Variants in CDH16 observed in about 807,000 individuals in gnomAD.
The protein encoded by CDH16 is cadherin 16, also known as cadherin-16.
A neutral mutation model predicts 87.6 loss-of-function variants in CDH16; 79 were observed. The observed-to-expected ratio is 0.90, with a 90% CI of 0.75 to 1.09. The LOEUF (loss-of-function observed/expected upper bound fraction) is 1.09, where lower values mean the gene tolerates loss of function less well. CDH16 is among the 50% of genes least tolerant of loss of function. The pLI, the probability that CDH16 is intolerant of heterozygous loss-of-function variation, is 0.00. For synonymous variants in CDH16, 457 were observed against 439.5 expected (o/e 1.04, Z -0.50); for missense variants, 1,124 against 1,071.7 (o/e 1.05, Z -0.68).
chr16:66,916,487 C>A lies in CDH16; in HGVS notation c.130-58G>T. ...TGGCCAGGCCTGGGAGATGCCCCTCCTCCACCTGATGGCCTCATTTTACAT... is the reference window on the plus strand; with the variant it reads ...TGGCCAGGCCTGGGAGATGCCCCTCATCCACCTGATGGCCTCATTTTACAT... On this transcript the variant is annotated intron_variant, in intron 3 of 17. Transcript: ENST00000299752. This position sits in a 1 kb window ranked among gnomAD's most constrained non-coding sequence, Gnocchi z 4.1. 1 of 1,509,672 alleles carries A rather than the reference C, an allele frequency of 6.6e-7. No homozygotes were observed. Among genetic ancestry groups the A allele is most frequent in the Admixed American group, 2.2e-5 (1 of 46,268 alleles). 93.5% of individuals were successfully genotyped at this position (1,509,672 alleles called of 1,614,324 possible).
In CDH16 at chr16:66,909,168, G is replaced by C. The variant is rs1962292035; in HGVS notation, c.2392+99C>G. ...GGAGAGTTGGGGGCTTCCTTTTTCA[G>C]AGCTAGGGGCACCATGGGGACAAAG... On this transcript the variant is annotated intron_variant, in intron 17 of 17. Transcript: ENST00000299752. This position sits in a 1 kb window ranked among gnomAD's most constrained non-coding sequence, Gnocchi z 4.1. 1 of 787,956 alleles carries C rather than the reference G, an allele frequency of 1.3e-6. No individual in the cohort carries two copies. Among genetic ancestry groups the C allele is most frequent in the Non-Finnish European group, 2.2e-6 (1 of 445,298 alleles). The allele number at this position is 787,956 out of a possible 1,614,324, so 48.8% of individuals were successfully genotyped here.
Position 66,912,038 on chromosome 16 carries a change from C to G in CDH16, c.1651G>C (p.Val551Leu). 1 of 1,614,138 alleles carries G rather than the reference C, an allele frequency of 6.2e-7. No homozygotes were observed. The highest frequency in any genetic ancestry group is 1.7e-5 in the Admixed American group (1 of 60,030). ...ATCACTCTCTCCACTAGCACAGTCA[C>G]CGTGGCGGTGGCTCCAGGGCCTGGG... ...PGPGPGATATVTVLVERVMPP... is the reference protein window; with the variant it reads ...PGPGPGATATLTVLVERVMPP... The change falls in exon 13 of 18, where the codon GTG becomes CTG. Residue 551 changes from valine to leucine, a missense_variant. Physicochemically the swap from Val to Leu is conservative, Grantham distance 32. Coordinates refer to ENST00000299752, the MANE Select transcript of CDH16 (RefSeq NM_004062.4).
Position 66,910,747 on chromosome 16 carries a change from G to T in CDH16, c.1925-245C>A, listed in dbSNP as rs868313179. The T allele has an allele frequency of 7.1e-6, 3 of 423,054 alleles. No homozygotes were observed. The South Asian group carries it at 2.1e-4, about 30-fold the overall frequency. The allele number at this position is 423,054 out of a possible 1,614,324, so 26.2% of individuals were successfully genotyped here. ...AGCTCAGAGTTGAAACCTGCCTCCC[G>T]GGGCTCCCCACCCCAGGGCCAGCTC... is the stretch of plus-strand genomic sequence containing the variant. On this transcript the variant is annotated intron_variant, in intron 14 of 17. Transcript: ENST00000299752.
rs753055575 is a variant in CDH16, at chr16:66,909,322, G to A, written c.2337C>T (p.Gly779=). ...CCACTGCCGACAGCTTCGTGGGCAT[G>A]CCCTTCATGCGGCCCACCTTGCGCA... ...QCMRKVGRMK[G]MPTKLSAVGI... The change falls in exon 17 of 18, where the codon GGC becomes GGT. Residue 779 remains glycine, a synonymous_variant. Coordinates refer to ENST00000299752, the MANE Select transcript of CDH16 (RefSeq NM_004062.4). The surrounding 1 kb of genome is among the most constrained non-coding windows in gnomAD (Gnocchi z 4.1). 3 of 1,597,968 alleles carry A rather than the reference G, an allele frequency of 1.9e-6. No homozygotes were observed. Among genetic ancestry groups the A allele is most frequent in the Non-Finnish European group, 2.6e-6 (3 of 1,170,462 alleles).
In CDH16 at chr16:66,917,674, A is replaced by G; in HGVS notation, c.97T>C (p.Tyr33His). ...AGGTATAAAGGGAAATTTCCACCAT[A>G]GTTTTCTGGAACTTCCACAGACAGC... ...AELSVEVPEN[Y>H]GGNFPLYLTK... The change falls in exon 3 of 18, where the codon TAT becomes CAT. Residue 33 changes from tyrosine (Y) to histidine (H), a missense_variant. Tyr to His is a moderately conservative substitution (Grantham distance 83). Transcript: ENST00000299752. 1 of 1,613,544 alleles carries G rather than the reference A, an allele frequency of 6.2e-7. No individual in the cohort carries two copies. Among genetic ancestry groups the G allele is most frequent in the Non-Finnish European group, 8.5e-7 (1 of 1,179,800 alleles).
intron 6 of CDH16, 53 bp from the exon 7 acceptor site, chr16:66,914,465 G>A: frequency 7.3e-7 from 1 of 1,362,880 alleles, no homozygotes; most frequent in East Asian, 2.3e-5. Flanking sequence ...CAGGGGCCAG[G>A]GCATCATTCT....
Position 66,916,285 on chromosome 16 carries a change from A to ACT in CDH16, c.272_273dup (p.Tyr92SerfsTer26). On this transcript the variant is annotated frameshift_variant, in exon 4 of 18. Coordinates refer to ENST00000299752, the MANE Select transcript of CDH16 (RefSeq NM_004062.4). LOFTEE classifies it high-confidence loss of function. The surrounding 1 kb of genome is among the most constrained non-coding windows in gnomAD (Gnocchi z 4.1). Reference sequence around the variant, plus strand: ...TGGCCCAGCCATACCTGTAGCTGGTACTCTGCCTGCTCCTCTCGGTCCAGG... The same window carrying ACT: ...TGGCCCAGCCATACCTGTAGCTGGTACTCTCTGCCTGCTCCTCTCGGTCCAGG... 1 of 1,613,620 alleles carries ACT rather than the reference A, an allele frequency of 6.2e-7. No individual in the cohort carries two copies. The highest frequency in any genetic ancestry group is 8.5e-7 in the Non-Finnish European group (1 of 1,179,602).
chr16:66,913,476 C>T lies in CDH16; in HGVS notation c.903+15G>A, dbSNP rs1962527748. ...GCACCCCCAGCCTGCATCCCTGGCT[C>T]CCCCTTCATATCACCTCAGCCTGGG... On this transcript the variant is annotated intron_variant, in intron 8 of 17. Coordinates refer to ENST00000299752, the MANE Select transcript of CDH16 (RefSeq NM_004062.4). 6.2e-7 allele frequency: 1 copy of T among 1,613,932 alleles called. No individual in the cohort carries two copies. Among genetic ancestry groups the T allele is most frequent in the African/African-American group, 1.3e-5 (1 of 74,922 alleles).
Position 66,912,530 on chromosome 16 carries a change from G to A in CDH16, c.1333C>T (p.His445Tyr). ...TGGGAAGTGATGAACTCAGGGGCGTGATCATTGATATCTGTGACTGCGACT... is the reference window on the plus strand; with the variant it reads ...TGGGAAGTGATGAACTCAGGGGCGTAATCATTGATATCTGTGACTGCGACT... The part of the protein sequence containing the change: ...VEVAVTDIND[H>Y]APEFITSQIG... The change falls in exon 11 of 18, where the codon CAC becomes TAC. Residue 445 changes from histidine to tyrosine, a missense_variant. By Grantham distance (83) the His-to-Tyr change is moderately conservative. Coordinates refer to ENST00000299752, the MANE Select transcript of CDH16 (RefSeq NM_004062.4). The A allele has an allele frequency of 6.2e-7, 1 of 1,614,174 alleles. No homozygotes were observed. Among genetic ancestry groups the A allele is most frequent in the Non-Finnish European group, 8.5e-7 (1 of 1,180,026 alleles).
At position 66,913,621 on chromosome 16, in the gene CDH16, G is replaced by C. The variant is rs774110646; in HGVS notation, c.781-8C>G. The C allele has an allele frequency of 1.9e-6, 3 of 1,613,554 alleles. No individual in the cohort carries two copies. In the Admixed American group the frequency reaches 5.0e-5, roughly 27 times the overall value. The stretch of plus-strand genomic sequence containing the variant: ...ACCCCCACTCCAGTGTACCTGGGGG[G>C]GACACCCCGGGCCAAGGGGCAGGAA... On this transcript the variant is annotated splice_polypyrimidine_tract_variant and splice_region_variant and intron_variant, in intron 7 of 17. Coordinates refer to ENST00000299752, the MANE Select transcript of CDH16 (RefSeq NM_004062.4).
At chr16:66,913,393 C>T in intron 8 of CDH16, 98 bp downstream of exon 8, 2 of 1,575,138 alleles carry the variant, frequency 1.3e-6, no homozygotes, top group Non-Finnish European at 1.7e-6. Flanking sequence ...CTCTTTCCCA[C>T]TGCCTCAGCC....
In CDH16 at chr16:66,913,246, G is replaced by A. The variant is rs966297274; in HGVS notation, c.939C>T (p.Gly313=). 5.7e-6 allele frequency: 9 copies of A among 1,566,240 alleles called. No homozygotes were observed. The highest frequency in any genetic ancestry group is 2.7e-5 in the African/African-American group (2 of 73,486). The change falls in exon 9 of 18, where the codon GGC becomes GGT. Residue 313 remains glycine (G), a synonymous_variant. Transcript: ENST00000299752. The part of the protein sequence containing the change: ...LLQVRAQNSH[G]EDYAAPLELH... Reference sequence around the variant, plus strand: ...GCTCCAGAGGGGCCGCATAGTCCTCGCCATGGGAATTCTGAGCCCGCACCT... The same window carrying A: ...GCTCCAGAGGGGCCGCATAGTCCTCACCATGGGAATTCTGAGCCCGCACCT...
chr16:66,915,276 G>T lies in CDH16; in HGVS notation c.527C>A (p.Ser176Tyr), dbSNP rs1464582973. 3 of 1,613,850 alleles carry T rather than the reference G, an allele frequency of 1.9e-6. No homozygotes were observed. The African/African-American group carries it at 4.0e-5, about 22-fold the overall frequency. ...AGGCTCCAGCTGGAACATGTCTGGG[G>T]AAGGCTGGGCTGGAGCCTGGCTCAG... is the stretch of plus-strand genomic sequence containing the variant. ...HILSQAPAQP[S>Y]PDMFQLEPRL... The change falls in exon 6 of 18, where the codon TCC becomes TAC. Residue 176 changes from serine to tyrosine, a missense_variant. Transcript: ENST00000299752.
Position 66,911,936 on chromosome 16 carries a change from T to C in CDH16, c.1753A>G (p.Thr585Ala), listed in dbSNP as rs1962435254. 6.2e-7 allele frequency: 1 copy of C among 1,611,308 alleles called. No individual in the cohort carries two copies. The highest frequency in any genetic ancestry group is 8.5e-7 in the Non-Finnish European group (1 of 1,178,022). The stretch of plus-strand genomic sequence containing the variant: ...CTGATGGGGTCGGAGGGCTGGATGG[T>C]CAGCAGGAAAGAGCCGGCTGGGGCA... Reference protein sequence around the residue: ...ISAPAGSFLLTIQPSDPISRT... With the variant: ...ISAPAGSFLLAIQPSDPISRT... The change falls in exon 13 of 18, where the codon ACC becomes GCC. Residue 585 changes from threonine to alanine, a missense_variant. Transcript: ENST00000299752.
Position 66,914,334 on chromosome 16 carries a change from G to A in CDH16, c.662C>T (p.Ser221Leu), listed in dbSNP as rs746343240. 3.1e-6 allele frequency: 5 copies of A among 1,614,216 alleles called. No individual in the cohort carries two copies. The highest frequency in any genetic ancestry group is 4.2e-6 in the Non-Finnish European group (5 of 1,180,026). ...VQVKDMGDQASGHQATATVEV... is the reference protein window; with the variant it reads ...VQVKDMGDQALGHQATATVEV... Reference sequence around the variant, plus strand: ...CACGGTGGCAGTGGCCTGGTGGCCTGAGGCCTGGTCACCCATGTCCTTGAC... The same window carrying A: ...CACGGTGGCAGTGGCCTGGTGGCCTAAGGCCTGGTCACCCATGTCCTTGAC... The change falls in exon 7 of 18, where the codon TCA becomes TTA. Residue 221 changes from serine (S) to leucine (L), a missense_variant. Physicochemically the swap from Ser to Leu is moderately radical, Grantham distance 145. Transcript: ENST00000299752.
In CDH16 at chr16:66,916,316, G is replaced by A; in HGVS notation, c.243C>T (p.Thr81=). ...CCTGCTCCTCTCGGTCCAGGGCCCT[G>A]GTCACCAGCAGGAAGCCAGAATCTG... is the stretch of plus-strand genomic sequence containing the variant. ...MDPDSGFLLV[T]RALDREEQAE... is the part of the protein sequence containing the mutation. Residue 81 remains threonine (T), a synonymous_variant, in exon 4 of 18, where the codon ACC becomes ACT. Coordinates refer to ENST00000299752, the MANE Select transcript of CDH16 (RefSeq NM_004062.4). The surrounding 1 kb of genome is among the most constrained non-coding windows in gnomAD (Gnocchi z 4.1). The A allele has an allele frequency of 1.2e-6, 2 of 1,614,136 alleles. No individual in the cohort carries two copies. The highest frequency in any genetic ancestry group is 1.7e-6 in the Non-Finnish European group (2 of 1,179,960).
At position 66,910,473 on chromosome 16, in the gene CDH16, G is replaced by T. The variant is rs749824907; in HGVS notation, c.1954C>A (p.Leu652Met). ...DEPRLSASAP[L>M]VIHFLKAPPA... ...GGGGCCTTTAGGAAGTGGATCACCA[G>T]GGGTGCAGAAGCGCTCAGTCTCGGC... The change falls in exon 15 of 18, where the codon CTG becomes ATG. Residue 652 changes from leucine (L) to methionine (M), a missense_variant. Leu to Met is a conservative substitution (Grantham distance 15). Coordinates refer to ENST00000299752, the MANE Select transcript of CDH16 (RefSeq NM_004062.4). 2 of 1,561,416 alleles carry T rather than the reference G, an allele frequency of 1.3e-6. No homozygotes were observed. The highest frequency in any genetic ancestry group is 1.7e-6 in the Non-Finnish European group (2 of 1,150,050).
Position 66,908,308 on chromosome 16 carries a change from G to A in CDH16, c.*84C>T, listed in dbSNP as rs1962246367. On this transcript the variant is annotated 3_prime_UTR_variant, in exon 18 of 18. Coordinates refer to ENST00000299752, the MANE Select transcript of CDH16 (RefSeq NM_004062.4). Reference sequence around the variant, plus strand: ...GGGCTTCTACTCTGTCCTGTCCCCTGCTGGATCTTGGGTGCTGGGCTCTCT... The same window carrying A: ...GGGCTTCTACTCTGTCCTGTCCCCTACTGGATCTTGGGTGCTGGGCTCTCT... The A allele has an allele frequency of 1.8e-6, 2 of 1,123,998 alleles. No individual in the cohort carries two copies. Among genetic ancestry groups the A allele is most frequent in the African/African-American group, 3.0e-5 (2 of 65,590 alleles). 69.6% of individuals were successfully genotyped at this position (1,123,998 alleles called of 1,614,324 possible).
rs752806942 is a variant in CDH16, at chr16:66,911,219, C to T, written c.1887G>A (p.Gly629=). The T allele has an allele frequency of 6.2e-7, 1 of 1,613,632 alleles. No individual in the cohort carries two copies. Residue 629 remains glycine (G), a synonymous_variant, in exon 14 of 18, where the codon GGG becomes GGA. Transcript: ENST00000299752. ...TAQSLQGAQP[G]DTYTVLVEAQ... The stretch of plus-strand genomic sequence containing the variant: ...CCTCCACAAGCACCGTGTAGGTGTC[C>T]CCAGGCTGGGCGCCCTGCAGGGACT...
Sources: allele counts gnomAD v4.1 joint callset, GRCh38; gene constraint gnomAD v4.1.1; non-coding constraint Gnocchi (gnomAD v3.1); transcripts MANE v1.5; gene names NCBI Gene and HGNC (gene_info 2026-07-23, HGNC 2026-07-21).